ERI1: variants seen among roughly 807,000 people sequenced by gnomAD.
The protein encoded by ERI1 is exoribonuclease 1.
In ERI1, 39 loss-of-function variants were observed where a neutral mutation model predicts 39.7. The ratio of observed to expected loss-of-function variants is 0.98; its 90% CI spans 0.76 to 1.28. The LOEUF (loss-of-function observed/expected upper bound fraction) is 1.28, where lower values mean the gene tolerates loss of function less well. ERI1 is among the 50% of genes most tolerant of loss of function. The probability of loss-of-function intolerance (pLI) is 0.00; values close to 1 mark genes in which losing one functional copy is unlikely to be tolerated. For missense variants in ERI1, 581 were observed against 416.9 expected, an observed-to-expected ratio of 1.39 and a Z score of -3.43; for synonymous variants, 204 against 149.6, an observed-to-expected ratio of 1.36 and a Z score of -2.65.
chr8:9,093,379 G>A (rs113685363), intron 3 of ERI1, among the ~76,000 whole-genome samples: 5,388 of 152,112 alleles, frequency 0.035, 286 homozygotes, highest in African/African-American at 0.12. Flanking sequence ...GTCGCCTTCT[G>A]AAGTACTGGG....
chr8:9,002,955 C>A lies in ERI1; in HGVS notation c.-109C>A, dbSNP rs995811749. 1.2e-5 allele frequency: 10 copies of A among 810,428 alleles called. No individual in the cohort carries two copies. The highest frequency in any genetic ancestry group is 6.7e-5 in the East Asian group (2 of 29,744). 50.2% of individuals were successfully genotyped at this position (810,428 alleles called of 1,614,324 possible). On this transcript the variant is annotated 5_prime_UTR_variant, in exon 1 of 7. Coordinates refer to ENST00000250263, the MANE Select transcript of ERI1 (RefSeq NM_153332.4). ...GTTTGTGTGGCCGCCGCCGCGGGAACGCGAGCCCGGTAATTTTTCAACGGA... is the reference window on the plus strand; with the variant it reads ...GTTTGTGTGGCCGCCGCCGCGGGAAAGCGAGCCCGGTAATTTTTCAACGGA...
rs201251857 is a variant in ERI1, at chr8:9,011,582, T to C, written c.328T>C (p.Tyr110His). 1.7e-4 allele frequency: 270 copies of C among 1,612,868 alleles called. No homozygotes were observed. Among genetic ancestry groups the C allele is most frequent in the Middle Eastern group, 5.0e-4 (3 of 6,052 alleles). The change falls in exon 3 of 7, where the codon TAT becomes CAT. Residue 110 changes from tyrosine (Y) to histidine (H), a missense_variant. Physicochemically the swap from Tyr to His is moderately conservative, Grantham distance 83. Transcript: ENST00000250263. ...DVLKKRLKNY[Y>H]KKQKLMLKES... ...TCTAAAGAAGAGACTGAAAAACTATTATAAGAAGCAGAAGCTGATGCTGAA... is the reference window on the plus strand; with the variant it reads ...TCTAAAGAAGAGACTGAAAAACTATCATAAGAAGCAGAAGCTGATGCTGAA...
At chr8:9,095,099 C>T (rs975932503) in intron 3 of ERI1, among the ~76,000 whole-genome samples, 4 of 152,176 alleles carry the variant, frequency 2.6e-5, no homozygotes, top group South Asian at 4.1e-4. Context: ...ATTGTATAAC[C>T]TGCTTTCTTA....
In ERI1 at chr8:9,007,307, C is replaced by T. The variant is rs116401207; in HGVS notation, c.109-663C>T. Among the ~76,000 whole-genome samples, 1,122 of 152,144 alleles carry T rather than the reference C, an allele frequency of 7.4e-3. 14 individuals carry two copies. The highest frequency in any genetic ancestry group is 0.026 in the African/African-American group (1,078 of 41,512). On this transcript the variant is annotated intron_variant, in intron 1 of 6. Coordinates refer to ENST00000250263, the MANE Select transcript of ERI1 (RefSeq NM_153332.4). ...ACTAGGAAGCTGTAAATTAGATTTGCGGTCCATTTTGTTTTTATGTTGGGC... is the reference window on the plus strand; with the variant it reads ...ACTAGGAAGCTGTAAATTAGATTTGTGGTCCATTTTGTTTTTATGTTGGGC...
At chr8:9,014,175 C>G (rs1231037667) in intron 3 of ERI1, among the ~76,000 whole-genome samples, 4 of 152,202 alleles carry the variant, frequency 2.6e-5, no homozygotes, top group Admixed American at 6.5e-5. Flanking sequence ...ACTCATTCCA[C>G]TCCAGGCATA....
chr8:9,004,103 T>A (rs1382188791), intron 1 of ERI1: 3 of 1,289,332 alleles, frequency 2.3e-6, no homozygotes, highest in Middle Eastern at 4.3e-4. Context: ...TTCTTTGACA[T>A]TGGAAAGAAG....
At chr8:9,036,146 A>T (rs184828258), downstream of ERI1, among the ~76,000 whole-genome samples, 1 of 152,236 alleles carries the variant, frequency 6.6e-6, no homozygotes, top group East Asian at 1.9e-4. Context: ...AATGACAGCA[A>T]AGGATTTAGA....
At chr8:9,062,955 T>C (rs1486502994) in intron 3 of ERI1, among the ~76,000 whole-genome samples, 1 of 152,044 alleles carries the variant, frequency 6.6e-6, no homozygotes, top group Non-Finnish European at 1.5e-5. Context: ...GGTTCAGGTG[T>C]TTGGAGTTCT....
At chr8:9,033,543 T>C (rs370405530), downstream of ERI1, among the ~76,000 whole-genome samples, 8 of 144,544 alleles carry the variant, frequency 5.5e-5, no homozygotes, top group African/African-American at 2.1e-4. Flanking sequence ...AATGCGACTG[T>C]GATGAGAGCG....
At chr8:9,019,661 A>G (rs1020016970) in intron 5 of ERI1, among the ~76,000 whole-genome samples, 26 of 152,234 alleles carry the variant, frequency 1.7e-4, no homozygotes, top group Non-Finnish European at 3.1e-4. Context: ...CAGAAGCACT[A>G]GTGTCCTGGG....
rs1463486282 is a variant in ERI1 at position 9,021,773 on chromosome 8, TG to T, written c.807+1310del. Among the ~76,000 whole-genome samples the T allele has an allele frequency of 7.5e-3, 1,051 of 139,532 alleles. 32 individuals carry two copies. Among genetic ancestry groups the T allele is most frequent in the African/African-American group, 0.025 (845 of 33,966 alleles). 91.5% of individuals were successfully genotyped at this position (139,532 alleles called of 152,430 possible). ...TACTGGCTATATTATTTGTTTTTTT[TG>T]TTTTTTTTTTTTTTTCAATATTATG... On this transcript the variant is annotated intron_variant, in intron 6 of 6. Coordinates refer to ENST00000250263, the MANE Select transcript of ERI1 (RefSeq NM_153332.4).
downstream of ERI1, among the ~76,000 whole-genome samples, chr8:9,037,261 T>C (rs1239512924): frequency 6.6e-6 from 1 of 152,160 alleles, no homozygotes; most frequent in African/African-American, 2.4e-5. Context: ...GTTACTCCCC[T>C]CACCATCACA....
At chr8:9,078,974 A>T (rs1038186703) in intron 3 of ERI1, among the ~76,000 whole-genome samples, 2 of 152,130 alleles carry the variant, frequency 1.3e-5, no homozygotes, top group African/African-American at 2.4e-5. Flanking sequence ...AAATGTAAAG[A>T]CTAACCTGGC....
At chr8:9,076,017 C>T (rs999084253) in intron 3 of ERI1, among the ~76,000 whole-genome samples, 1 of 151,872 alleles carries the variant, frequency 6.6e-6, no homozygotes, top group African/African-American at 2.4e-5. Flanking sequence ...CTCACTGCAG[C>T]CTCAATCTCC....
Position 9,031,422 on chromosome 8 carries a change from T to G in ERI1, c.*1388T>G, listed in dbSNP as rs1176665775. 2.6e-5 allele frequency: 4 copies of G among 152,174 alleles called. No homozygotes were observed. Among genetic ancestry groups the G allele is most frequent in the Non-Finnish European group, 5.9e-5 (4 of 68,016 alleles). The allele number at this position is 152,174 out of a possible 1,614,324, so 9.4% of individuals were successfully genotyped here. On this transcript the variant is annotated 3_prime_UTR_variant, in exon 7 of 7. Coordinates refer to ENST00000250263, the MANE Select transcript of ERI1 (RefSeq NM_153332.4). ...AAATAACAGAAGGCATATGAGAGTG[T>G]GGTGTTCCTAGATGAACTGTTACAG...
chr8:9,061,339 G>A (rs1417658744), intron 3 of ERI1, among the ~76,000 whole-genome samples: 1 of 152,170 alleles, frequency 6.6e-6, no homozygotes, highest in Non-Finnish European at 1.5e-5. Context: ...TCCGGGCCAG[G>A]AACAATGGTA....
intron 5 of ERI1, among the ~76,000 whole-genome samples, chr8:9,018,702 A>T (rs560274539): frequency 2.0e-5 from 3 of 152,194 alleles, no homozygotes; most frequent in Admixed American, 6.5e-5. Flanking sequence ...CAGACTCTTG[A>T]GCTTGGCCTT....
At chr8:9,071,197 T>C (rs1799038717) in intron 3 of ERI1, among the ~76,000 whole-genome samples, 1 of 152,242 alleles carries the variant, frequency 6.6e-6, no homozygotes, top group African/African-American at 2.4e-5. Flanking sequence ...TGCATTGTTA[T>C]AGACAGACAT....
In ERI1 at chr8:9,018,781, C is replaced by T. The variant is rs996780918; in HGVS notation, c.692+375C>T. ...TCACCTGCCATTAATCCTCTTTAGT[C>T]AGACTGGCCCAGGAATTCACATGGT... On this transcript the variant is annotated intron_variant, in intron 5 of 6. Coordinates refer to ENST00000250263, the MANE Select transcript of ERI1 (RefSeq NM_153332.4). Among the ~76,000 whole-genome samples the T allele has an allele frequency of 2.6e-5, 4 of 152,214 alleles. No individual in the cohort carries two copies. In the East Asian group the frequency reaches 7.7e-4, roughly 29 times the overall value.
Sources: gnomAD v4.1 joint callset for allele counts (sites outside exome capture counted in the v4.1 genomes callset) on GRCh38, gnomAD v4.1.1 for gene constraint, MANE v1.5 for transcripts, NCBI Gene and HGNC (gene_info 2026-07-23, HGNC 2026-07-21) for gene names.